The following TPST1 variants were observed in gnomAD, a reference collection of about 807,000 sequenced individuals.
TPST1 encodes the protein protein-tyrosine sulfotransferase 1.
TPST1 carries 20 observed loss-of-function variants against 34.8 expected under a neutral mutation model. That is an observed-to-expected ratio of 0.57 (90% CI 0.40 to 0.84). TPST1 has a LOEUF of 0.84. Ranked by LOEUF, TPST1 falls within the 40% of genes least tolerant of loss-of-function variation. TPST1 has a pLI of 0.00. For missense variants in TPST1, 353 were observed against 455.5 expected, an observed-to-expected ratio of 0.78 and a Z score of 2.05; for synonymous variants, 152 against 159.4, an observed-to-expected ratio of 0.95 and a Z score of 0.35.
chr7:66,300,838 C>G (rs904320357), intron 3 of TPST1, among the ~76,000 whole-genome samples: 2 of 151,718 alleles, frequency 1.3e-5, no homozygotes, highest in Non-Finnish European at 2.9e-5. Flanking sequence ...CCCAGCCACT[C>G]AAGAGGCTGA....
chr7:66,351,289 T>A (rs558738779), intron 3 of TPST1, among the ~76,000 whole-genome samples: 1 of 152,360 alleles, frequency 6.6e-6, no homozygotes, highest in Non-Finnish European at 1.5e-5. Context: ...ATTTTTTTGT[T>A]ACTGTATAGT....
chr7:66,268,109 C>A (rs761421010), intron 2 of TPST1, among the ~76,000 whole-genome samples: 47 of 152,044 alleles, frequency 3.1e-4, no homozygotes, highest in Non-Finnish European at 5.3e-4. Flanking sequence ...TGTGCCACCA[C>A]GCCCAGCTAA....
At chr7:66,336,643 A>G (rs1490840900) in intron 3 of TPST1, among the ~76,000 whole-genome samples, 1 of 152,204 alleles carries the variant, frequency 6.6e-6, no homozygotes, top group Non-Finnish European at 1.5e-5. Context: ...CATAATAGGA[A>G]TTCCTGAAGA....
At chr7:66,326,349 G>T (rs1004662982) in intron 3 of TPST1, among the ~76,000 whole-genome samples, 1 of 152,128 alleles carries the variant, frequency 6.6e-6, no homozygotes, top group South Asian at 2.1e-4. Context: ...CAGAGATGGC[G>T]CTACTGTATT....
At chr7:66,224,606 G>A (rs1789610222) in intron 1 of TPST1, among the ~76,000 whole-genome samples, 2 of 152,186 alleles carry the variant, frequency 1.3e-5, no homozygotes, top group Non-Finnish European at 2.9e-5. Context: ...GCCTGTGTGT[G>A]TGCACTGGGT....
chr7:66,352,457 G>T, intron 3 of TPST1, 48 bp from the exon 4 acceptor site: 2 of 1,594,830 alleles, frequency 1.3e-6, no homozygotes, highest in Non-Finnish European at 1.7e-6. Context: ...CTGCAATGAT[G>T]GGGACTGGAC....
At chr7:66,243,177 G>T (rs1166310545) in intron 2 of TPST1, among the ~76,000 whole-genome samples, 1 of 148,938 alleles carries the variant, frequency 6.7e-6, no homozygotes, top group East Asian at 1.9e-4. Context: ...GTTTGTGTGT[G>T]TGTGTGTGTG....
At chr7:66,275,130 C>G (rs1201658058) in intron 2 of TPST1, among the ~76,000 whole-genome samples, 1 of 151,956 alleles carries the variant, frequency 6.6e-6, no homozygotes, top group Non-Finnish European at 1.5e-5. Flanking sequence ...GGAGGCAGAG[C>G]TTGCAGTAAG....
intron 1 of TPST1, among the ~76,000 whole-genome samples, chr7:66,225,437 C>A (rs1202352076): frequency 6.6e-6 from 1 of 151,506 alleles, no homozygotes; most frequent in Non-Finnish European, 1.5e-5. Context: ...CATGGTGAAA[C>A]CTCATCTCTA....
At chr7:66,267,979 G>C (rs186344378) in intron 2 of TPST1, among the ~76,000 whole-genome samples, 131 of 149,716 alleles carry the variant, frequency 8.7e-4, no homozygotes, top group Admixed American at 2.7e-3. Context: ...TTTTGACAGG[G>C]TTTCCATCTA....
At chr7:66,226,743 C>T (rs755947955) in intron 1 of TPST1, among the ~76,000 whole-genome samples, 2 of 152,040 alleles carry the variant, frequency 1.3e-5, no homozygotes, top group South Asian at 2.1e-4. Flanking sequence ...AATTTGTGTC[C>T]GTTGACAACT....
intron 5 of TPST1, among the ~76,000 whole-genome samples, chr7:66,357,568 A>G (rs1054383673): frequency 2.6e-5 from 4 of 152,168 alleles, no homozygotes; most frequent in Non-Finnish European, 5.9e-5. Flanking sequence ...CCCTTTTTCT[A>G]TCTGAGTATG....
At chr7:66,220,691 G>T (rs1789524503) in intron 1 of TPST1, among the ~76,000 whole-genome samples, 1 of 151,610 alleles carries the variant, frequency 6.6e-6, no homozygotes, top group African/African-American at 2.4e-5. Flanking sequence ...GTGGGTGGGT[G>T]GTGAAACAGG....
chr7:66,220,471 G>A (rs1275646392), intron 1 of TPST1, among the ~76,000 whole-genome samples: 1 of 152,138 alleles, frequency 6.6e-6, no homozygotes, highest in East Asian at 1.9e-4. Context: ...AAATACAAGG[G>A]CACTAGGAAG....
chr7:66,304,984 A>G (rs1791393746), intron 3 of TPST1, among the ~76,000 whole-genome samples: 1 of 151,824 alleles, frequency 6.6e-6, no homozygotes, highest in African/African-American at 2.4e-5. Context: ...AATTTTTTTT[A>G]TTTTTAACTT....
upstream of TPST1, among the ~76,000 whole-genome samples, chr7:66,204,919 A>G (rs138400229): frequency 1.3e-3 from 194 of 152,342 alleles, 1 homozygote; most frequent in South Asian, 0.02. Flanking sequence ...AATTATCAGG[A>G]AAAGCTCATT....
Position 66,360,147 on chromosome 7 carries a change from A to T in TPST1, c.*282A>T. 2.7e-5 allele frequency: 8 copies of T among 298,886 alleles called. No homozygotes were observed. Among genetic ancestry groups the T allele is most frequent in the East Asian group, 9.1e-5 (1 of 10,940 alleles). 18.5% of individuals were successfully genotyped at this position (298,886 alleles called of 1,614,324 possible). On this transcript the variant is annotated 3_prime_UTR_variant, in exon 6 of 6. Transcript: ENST00000304842. ...GAAGGAACATGTGTTTCCTGTTAAA[A>T]CTCCTCTTGTTCTCTTTTCTTACAT...
At chr7:66,234,309 T>G (rs1442014473) in intron 1 of TPST1, among the ~76,000 whole-genome samples, 3 of 152,192 alleles carry the variant, frequency 2.0e-5, no homozygotes, top group East Asian at 1.9e-4. Flanking sequence ...AAGACTGTTC[T>G]TTTTATTTTT....
chr7:66,328,532 CAAATG>C (rs1017323283), intron 3 of TPST1, among the ~76,000 whole-genome samples: 4 of 151,686 alleles, frequency 2.6e-5, no homozygotes, highest in African/African-American at 9.7e-5. Flanking sequence ...AGCCCATTCA[CAAATG>C]AAATAGTTTT....
Sources: gnomAD v4.1 joint callset for allele counts (sites outside exome capture counted in the v4.1 genomes callset) on GRCh38, gnomAD v4.1.1 for gene constraint, MANE v1.5 for transcripts, NCBI Gene and HGNC (gene_info 2026-07-23, HGNC 2026-07-21) for gene names.